PLA2G5: variants seen among roughly 807,000 people sequenced by gnomAD.
PLA2G5 encodes Ca2+-dependent phospholipase A2.
Under a neutral mutation model 15.9 loss-of-function variants are expected in PLA2G5, and 12 were observed. The observed-to-expected ratio is 0.76, with a 90% confidence interval of 0.48 to 1.23. The LOEUF (loss-of-function observed/expected upper bound fraction) is 1.23, where lower values mean the gene tolerates loss of function less well. Ranked by LOEUF, PLA2G5 falls within the 50% of genes most tolerant of loss-of-function variation. The probability of loss-of-function intolerance (pLI) is 0.00; values close to 1 mark genes in which losing one functional copy is unlikely to be tolerated. For missense variants in PLA2G5, 169 were observed against 177.1 expected, an observed-to-expected ratio of 0.95 and a Z score of 0.26; for synonymous variants, 71 against 71.4, an observed-to-expected ratio of 0.99 and a Z score of 0.03.
chr1:20,037,033 C>G (rs1177559844), intron 1 of PLA2G5, among the ~76,000 whole-genome samples: 1 of 152,164 alleles, frequency 6.6e-6, no homozygotes, highest in African/African-American at 2.4e-5. Flanking sequence ...AATAATTGAC[C>G]TTCTGAATTC....
chr1:20,084,041 T>G (rs1447157859), intron 1 of PLA2G5, among the ~76,000 whole-genome samples: 6 of 151,938 alleles, frequency 3.9e-5, no homozygotes, highest in Admixed American at 1.3e-4. Flanking sequence ...TGGATTACAT[T>G]TTTCTTTATA....
chr1:20,079,114 A>G (rs11573235), intron 1 of PLA2G5, among the ~76,000 whole-genome samples: 516 of 5,908 alleles, frequency 0.087, 23 homozygotes, highest in East Asian at 0.17. Context: ...ACCCTGTCTC[A>G]AAAAAAAAAA....
upstream of PLA2G5, among the ~76,000 whole-genome samples, chr1:20,069,879 T>C (rs72661082): frequency 0.02 from 3,078 of 152,168 alleles, 52 homozygotes; most frequent in Non-Finnish European, 0.037. Flanking sequence ...TAGATAGTTT[T>C]ACTGTATACT....
At chr1:20,089,971 G>A (rs2016488819) in intron 4 of PLA2G5, 76 bp downstream of exon 4, 1 of 1,015,606 alleles carries the variant, frequency 9.8e-7, no homozygotes. Flanking sequence ...AGAACAGCCA[G>A]CCTGTATCTT....
In PLA2G5 at chr1:20,047,343, C is replaced by G. The variant is rs114032949; in HGVS notation, n.277-12289C>G. ...AAAAACCCTAAGCCACAGCTCAGTT[C>G]CTCCTTTTAGGAAAAAAAAAAAAAG... On this transcript the variant is annotated intron_variant and non_coding_transcript_variant, in intron 1 of 6. Coordinates refer to the PLA2G5 transcript ENST00000460175. 2.4e-3 allele frequency among the ~76,000 whole-genome samples: 360 copies of G among 151,442 alleles called. 2 individuals are homozygous for G. The highest frequency in any genetic ancestry group is 7.4e-3 in the African/African-American group (305 of 41,158).
intron 1 of PLA2G5, among the ~76,000 whole-genome samples, chr1:20,037,262 G>A (rs962117897): frequency 6.6e-6 from 1 of 152,176 alleles, no homozygotes; most frequent in African/African-American, 2.4e-5. Context: ...TTGATGTGGT[G>A]CTCTCCCCCT....
chr1:20,075,750 T>C (rs1473771514), intron 1 of PLA2G5, among the ~76,000 whole-genome samples: 1 of 152,064 alleles, frequency 6.6e-6, no homozygotes, highest in Non-Finnish European at 1.5e-5. Context: ...ACCACATCTA[T>C]GGGGGCAGCT....
rs201777772 is a variant in PLA2G5 at position 20,050,711 on chromosome 1, CT to C, written n.277-8913del. Among the ~76,000 whole-genome samples the C allele has an allele frequency of 4.8e-3, 732 of 151,906 alleles. 8 individuals carry two copies. Among genetic ancestry groups the C allele is most frequent in the African/African-American group, 0.016 (681 of 41,464 alleles). On this transcript the variant is annotated intron_variant and non_coding_transcript_variant, in intron 1 of 6. Coordinates refer to the PLA2G5 transcript ENST00000460175. ...TTTCTCAAATAATAAAGGTTTTTGA[CT>C]TTTTTTTGGGAAATACTTGAGTTAT...
chr1:20,042,438 T>C (rs2013655308), intron 1 of PLA2G5, among the ~76,000 whole-genome samples: 1 of 152,128 alleles, frequency 6.6e-6, no homozygotes, highest in African/African-American at 2.4e-5. Flanking sequence ...GTCAAGTTGT[T>C]TGGACAGAAA....
chr1:20,074,308 G>A (rs1430262076), intron 1 of PLA2G5, among the ~76,000 whole-genome samples: 1 of 152,120 alleles, frequency 6.6e-6, no homozygotes, highest in Non-Finnish European at 1.5e-5. Flanking sequence ...ATCTGCACAC[G>A]ACTCTGGCCT....
intron 1 of PLA2G5, among the ~76,000 whole-genome samples, chr1:20,057,081 T>C (rs1385872042): frequency 6.6e-6 from 1 of 152,102 alleles, no homozygotes; most frequent in Non-Finnish European, 1.5e-5. Context: ...TTTATAATAC[T>C]AGTTTTTTGT....
intron 1 of PLA2G5, among the ~76,000 whole-genome samples, chr1:20,081,232 A>G (rs1202435430): frequency 6.6e-6 from 1 of 150,748 alleles, no homozygotes; most frequent in Non-Finnish European, 1.5e-5. Context: ...CTGAGTCCAC[A>G]TCCTCCTCCT....
At chr1:20,055,042 TA>T (rs1221667840) in intron 1 of PLA2G5, among the ~76,000 whole-genome samples, 2 of 152,174 alleles carry the variant, frequency 1.3e-5, no homozygotes, top group South Asian at 2.1e-4. Context: ...GAAATCCTAA[TA>T]AAAAAATCAC....
At chr1:20,044,328 T>C (rs992806122) in intron 1 of PLA2G5, among the ~76,000 whole-genome samples, 3 of 151,990 alleles carry the variant, frequency 2.0e-5, no homozygotes, top group Non-Finnish European at 4.4e-5. Context: ...CTCCTCTCTA[T>C]TATTGTACAC....
Position 20,075,376 on chromosome 1 carries a change from T to C in PLA2G5, c.-11+4911T>C, listed in dbSNP as rs191974742. ...TTGAAGAAAGTTTCTGAGCAGTCAC[T>C]TGGGGGCATGTCCCACCATCCTGTT... On this transcript the variant is annotated intron_variant, in intron 1 of 4. Coordinates refer to ENST00000375108, the MANE Select transcript of PLA2G5 (RefSeq NM_000929.3). Among the ~76,000 whole-genome samples, 25 of 152,312 alleles carry C rather than the reference T, an allele frequency of 1.6e-4. No homozygotes were observed. The East Asian group carries it at 3.9e-3, about 23-fold the overall frequency.
chr1:20,077,953 C>T (rs916265163), intron 1 of PLA2G5, among the ~76,000 whole-genome samples: 15 of 152,264 alleles, frequency 9.9e-5, no homozygotes, highest in Non-Finnish European at 1.9e-4. Context: ...AGAGCTAAAT[C>T]CCTGAACTCG....
intron 1 of PLA2G5, among the ~76,000 whole-genome samples, chr1:20,083,929 C>T (rs919707784): frequency 6.6e-6 from 1 of 151,784 alleles, no homozygotes; most frequent in African/African-American, 2.4e-5. Flanking sequence ...TAGGTAGACA[C>T]AGTGCCTGGG....
At chr1:20,043,986 T>C (rs1484549685) in intron 1 of PLA2G5, among the ~76,000 whole-genome samples, 2 of 152,204 alleles carry the variant, frequency 1.3e-5, no homozygotes, top group Non-Finnish European at 2.9e-5. Flanking sequence ...AAGGAGTCAG[T>C]CAGTCAGAGA....
At chr1:20,086,850 T>G (rs1218822969) in intron 3 of PLA2G5, among the ~76,000 whole-genome samples, 1 of 152,164 alleles carries the variant, frequency 6.6e-6, no homozygotes, top group Non-Finnish European at 1.5e-5. Context: ...GATCGGGAAG[T>G]GCTAAAGTTC....
Sources: allele counts gnomAD v4.1 joint callset (sites outside exome capture counted in the v4.1 genomes callset), GRCh38; gene constraint gnomAD v4.1.1; transcripts MANE v1.5; gene names NCBI Gene and HGNC (gene_info 2026-07-23, HGNC 2026-07-21).